Variants in GRID1 observed in about 807,000 individuals in gnomAD.
The protein encoded by GRID1 is glutamate receptor ionotropic, delta-1.
GRID1 carries 28 observed loss-of-function variants against 98.0 expected under a neutral mutation model. The ratio of observed to expected loss-of-function variants is 0.29; its 90% confidence interval spans 0.21 to 0.39. GRID1 has a LOEUF of 0.39. Ranked by LOEUF, GRID1 falls within the 10% of genes least tolerant of loss-of-function variation. The pLI is 1.00. For synonymous variants in GRID1, 553 were observed against 538.5 expected (o/e 1.03, Z -0.37); for missense variants, 1,111 against 1,340.5 (o/e 0.83, Z 2.67).
At chr10:86,122,865 G>A (rs1358341447) in intron 4 of GRID1, among the ~76,000 whole-genome samples, 1 of 152,214 alleles carries the variant, frequency 6.6e-6, no homozygotes, top group Admixed American at 6.5e-5. Context: ...GGAGACAAGG[G>A]GGGAGCCCAG....
chr10:85,794,227 T>A (rs1842505920), intron 8 of GRID1, among the ~76,000 whole-genome samples: 1 of 152,224 alleles, frequency 6.6e-6, no homozygotes, highest in African/African-American at 2.4e-5. Flanking sequence ...CATAATGATT[T>A]AAATATCAAC....
In GRID1 at chr10:85,778,231, C is replaced by A. The variant is rs1842349858; in HGVS notation, c.1234-48617G>T. On this transcript the variant is annotated intron_variant, in intron 8 of 15. Transcript: ENST00000327946. ...GAGAGCTCAGGGGCATGAGATGAACCCGTGTCTGGCACACCTGCTAGACAA... is the reference window on the plus strand; with the variant it reads ...GAGAGCTCAGGGGCATGAGATGAACACGTGTCTGGCACACCTGCTAGACAA... Among the ~76,000 whole-genome samples the A allele has an allele frequency of 4.6e-5, 7 of 152,032 alleles. No individual in the cohort carries two copies. In the South Asian group the frequency reaches 1.5e-3, roughly 32 times the overall value.
chr10:86,326,107 TAATCTA>T (rs1490442163), intron 2 of GRID1, among the ~76,000 whole-genome samples: 1 of 152,232 alleles, frequency 6.6e-6, no homozygotes. Flanking sequence ...TTAGAAAATG[TAATCTA>T]AAAGAAAGCT....
chr10:86,137,782 G>A (rs1844950503), intron 4 of GRID1, among the ~76,000 whole-genome samples: 2 of 152,134 alleles, frequency 1.3e-5, no homozygotes, highest in Admixed American at 6.5e-5. Context: ...CAGGGCTGCC[G>A]GCCAGTTGTA....
chr10:86,341,643 T>G (rs1209127149), intron 2 of GRID1, among the ~76,000 whole-genome samples: 1 of 152,110 alleles, frequency 6.6e-6, no homozygotes, highest in Non-Finnish European at 1.5e-5. Context: ...CGGACACATT[T>G]CACAACACGT....
At chr10:86,129,963 A>T (rs1844809289) in intron 4 of GRID1, among the ~76,000 whole-genome samples, 1 of 152,220 alleles carries the variant, frequency 6.6e-6, no homozygotes, top group African/African-American at 2.4e-5. Context: ...AGCCCTGAGC[A>T]CTCACACTTG....
chr10:86,252,918 G>A (rs1846859807), intron 2 of GRID1, among the ~76,000 whole-genome samples: 1 of 152,224 alleles, frequency 6.6e-6, no homozygotes, highest in Non-Finnish European at 1.5e-5. Context: ...CAGAAAATAA[G>A]TGGTGATAAT....
chr10:85,849,264 C>T lies in GRID1; in HGVS notation c.1233+5232G>A, dbSNP rs77012418. 4.2e-3 allele frequency among the ~76,000 whole-genome samples: 645 copies of T among 152,262 alleles called. 6 individuals are homozygous for T. Among genetic ancestry groups the T allele is most frequent in the African/African-American group, 0.015 (619 of 41,542 alleles). On this transcript the variant is annotated intron_variant, in intron 8 of 15. Transcript: ENST00000327946. ...CTCAGGGAGGACTGGGGTCCTATGGCGTGGCAATCCCTGCACAAAGAGCAG... is the reference window on the plus strand; with the variant it reads ...CTCAGGGAGGACTGGGGTCCTATGGTGTGGCAATCCCTGCACAAAGAGCAG...
intron 12 of GRID1, among the ~76,000 whole-genome samples, chr10:85,671,007 C>G (rs979206759): frequency 3.3e-5 from 5 of 152,194 alleles, no homozygotes; most frequent in Admixed American, 2.0e-4. Flanking sequence ...AACCAGCTCA[C>G]CTCCTGACTT....
rs78914109 is a variant in GRID1, at chr10:85,835,825, C to A, written c.1233+18671G>T. On this transcript the variant is annotated intron_variant, in intron 8 of 15. Coordinates refer to ENST00000327946, the MANE Select transcript of GRID1 (RefSeq NM_017551.3). ...TGAATTTTAAAGAACTGATATCATACAGAGTATGTTATCTGATTATAATGG... is the reference window on the plus strand; with the variant it reads ...TGAATTTTAAAGAACTGATATCATAAAGAGTATGTTATCTGATTATAATGG... Among the ~76,000 whole-genome samples, 770 of 152,144 alleles carry A rather than the reference C, an allele frequency of 5.1e-3. 9 individuals carry two copies. Among genetic ancestry groups the A allele is most frequent in the African/African-American group, 0.018 (733 of 41,504 alleles).
intron 12 of GRID1, among the ~76,000 whole-genome samples, chr10:85,675,426 C>T (rs1490364362): frequency 6.6e-6 from 1 of 152,182 alleles, no homozygotes; most frequent in Non-Finnish European, 1.5e-5. Flanking sequence ...GAACCTACCA[C>T]AGGGATCCAG....
chr10:86,241,813 T>C (rs1157023693), intron 2 of GRID1, among the ~76,000 whole-genome samples: 3 of 152,150 alleles, frequency 2.0e-5, no homozygotes, highest in African/African-American at 7.2e-5. Context: ...GAGCCCAGAC[T>C]GCCTGGATGG....
chr10:86,362,405 C>A (rs1374598435), intron 2 of GRID1, among the ~76,000 whole-genome samples: 1 of 152,124 alleles, frequency 6.6e-6, no homozygotes, highest in Non-Finnish European at 1.5e-5. Flanking sequence ...TGGGACACGA[C>A]CAGACACCAA....
chr10:85,860,829 G>A (rs1288210727), intron 6 of GRID1, among the ~76,000 whole-genome samples: 4 of 152,164 alleles, frequency 2.6e-5, no homozygotes, highest in Non-Finnish European at 5.9e-5. Flanking sequence ...TGTTGAACAA[G>A]CTGTTGAACA....
intron 2 of GRID1, among the ~76,000 whole-genome samples, chr10:86,221,153 C>A (rs557682569): frequency 6.6e-6 from 1 of 152,310 alleles, no homozygotes; most frequent in South Asian, 2.1e-4. Flanking sequence ...GGAGAGAAAT[C>A]GGAAATCTCC....
intron 8 of GRID1, among the ~76,000 whole-genome samples, chr10:85,805,186 C>T (rs1842612627): frequency 6.6e-6 from 1 of 151,308 alleles, no homozygotes; most frequent in Non-Finnish European, 1.5e-5. Context: ...TCACAGGATA[C>T]AAAAACCTGG....
At chr10:85,821,539 A>AAAAAAAAAACAAACAAAC (rs770693495) in intron 8 of GRID1, among the ~76,000 whole-genome samples, 1 of 97,592 alleles carries the variant, frequency 1.0e-5, no homozygotes, top group South Asian at 3.7e-4. Context: ...AAAAAAAAAA[A>AAAAAAAAAACAAACAAAC]AAAAAAGAAA....
intron 4 of GRID1, among the ~76,000 whole-genome samples, chr10:85,959,218 T>C (rs934816469): frequency 3.3e-5 from 5 of 152,202 alleles, no homozygotes; most frequent in Admixed American, 2.0e-4. Context: ...TCTATGTGTA[T>C]GTGTACTGAT....
At chr10:86,271,692 T>C (rs1316123755) in intron 2 of GRID1, among the ~76,000 whole-genome samples, 1 of 152,048 alleles carries the variant, frequency 6.6e-6, no homozygotes, top group African/African-American at 2.4e-5. Flanking sequence ...CAAATTTAAA[T>C]ACATGGAAAA....
Sources: allele counts gnomAD v4.1 joint callset (sites outside exome capture counted in the v4.1 genomes callset), GRCh38; gene constraint gnomAD v4.1.1; transcripts MANE v1.5; gene names NCBI Gene and HGNC (gene_info 2026-07-23, HGNC 2026-07-21).